Variants in RFC3 observed in about 807,000 individuals in gnomAD.
RFC3 encodes the protein A1 38 kDa subunit.
In RFC3, 41 loss-of-function variants were observed where a neutral mutation model predicts 45.1. That is an observed-to-expected ratio of 0.91 (90% CI 0.71 to 1.18). The LOEUF is 1.18. RFC3 is among the 50% of genes most tolerant of loss of function. The pLI is 0.00. For missense variants in RFC3, 423 were observed against 428.1 expected (o/e 0.99, Z 0.10); for synonymous variants, 149 against 144.0 (o/e 1.03, Z -0.25).
At chr13:33,965,403 T>C (rs538715174) in intron 8 of RFC3, among the ~76,000 whole-genome samples, 1 of 152,316 alleles carries the variant, frequency 6.6e-6, no homozygotes, top group East Asian at 1.9e-4. Flanking sequence ...TAACATACTG[T>C]ACAGGTTTGT....
chr13:33,866,515 A>G (rs79491274), intron 8 of RFC3, among the ~76,000 whole-genome samples: 4,521 of 152,290 alleles, frequency 0.03, 131 homozygotes, highest in African/African-American at 0.069. Context: ...GGTGTTGCAA[A>G]GAGTCCTGAC....
At chr13:33,823,184 A>T (rs1251545670) in intron 2 of RFC3, among the ~76,000 whole-genome samples, 1 of 152,022 alleles carries the variant, frequency 6.6e-6, no homozygotes, top group Admixed American at 6.6e-5. Flanking sequence ...GCCAGTGGAA[A>T]AGTGAATTGT....
At chr13:33,933,656 T>C (rs17080236) in intron 8 of RFC3, among the ~76,000 whole-genome samples, 17,667 of 151,972 alleles carry the variant, frequency 0.12, 1,305 homozygotes, top group Admixed American at 0.21. Context: ...TGATGACCTG[T>C]GAAATTGAAA....
In RFC3 at chr13:33,836,430, A is replaced by G. The variant is rs1464477936; in HGVS notation, c.*135A>G. The G allele has an allele frequency of 4.1e-6, 6 of 1,465,834 alleles. No individual in the cohort carries two copies. The highest frequency in any genetic ancestry group is 2.8e-5 in the African/African-American group (2 of 70,564). The allele number at this position is 1,465,834 out of a possible 1,614,324, so 90.8% of individuals were successfully genotyped here. ...TTTTTTGGTAATAACTTCTCTGTGA[A>G]CTATTAATCATCCTCTGAGTTAAAT... On this transcript the variant is annotated 3_prime_UTR_variant, in exon 9 of 9. Coordinates refer to ENST00000380071, the MANE Select transcript of RFC3 (RefSeq NM_002915.4).
intron 8 of RFC3, among the ~76,000 whole-genome samples, chr13:33,913,323 C>A (rs917443691): frequency 1.3e-5 from 2 of 151,936 alleles, no homozygotes; most frequent in African/African-American, 4.8e-5. Context: ...GAAGGAGGAG[C>A]AGAGAAAAAT....
At chr13:33,916,136 G>A (rs1459548579) in intron 8 of RFC3, among the ~76,000 whole-genome samples, 1 of 152,170 alleles carries the variant, frequency 6.6e-6, no homozygotes, top group Admixed American at 6.5e-5. Flanking sequence ...AGCTTCATTA[G>A]GGTTAGACAT....
chr13:33,887,500 A>C (rs2082533794), intron 8 of RFC3, among the ~76,000 whole-genome samples: 1 of 151,814 alleles, frequency 6.6e-6, no homozygotes, highest in South Asian at 2.1e-4. Context: ...TTTTCTTGTA[A>C]ATTTGTTTGA....
chr13:33,869,197 T>G (rs2082392106), intron 8 of RFC3, among the ~76,000 whole-genome samples: 1 of 152,232 alleles, frequency 6.6e-6, no homozygotes, highest in South Asian at 2.1e-4. Flanking sequence ...TTCTCTGGCC[T>G]TTTTGCTGAT....
At chr13:33,901,398 G>C (rs1265128599) in intron 8 of RFC3, among the ~76,000 whole-genome samples, 1 of 152,018 alleles carries the variant, frequency 6.6e-6, no homozygotes. Flanking sequence ...AACATGGATA[G>C]AACTGGAGGT....
intron 8 of RFC3, among the ~76,000 whole-genome samples, chr13:33,865,014 GAAGA>G (rs541023150): frequency 2.6e-3 from 396 of 152,194 alleles, no homozygotes; most frequent in African/African-American, 9.0e-3. Context: ...GAAGAGAGAA[GAAGA>G]AAGAGAACAA....
chr13:33,922,167 T>TA (rs910702251), intron 8 of RFC3, among the ~76,000 whole-genome samples: 8 of 147,352 alleles, frequency 5.4e-5, no homozygotes, highest in Admixed American at 6.7e-5. Flanking sequence ...TTTTTTTTTT[T>TA]ACTGCTGTAT....
chr13:33,819,264 T>C (rs1238315120), intron 1 of RFC3, among the ~76,000 whole-genome samples: 4 of 152,200 alleles, frequency 2.6e-5, no homozygotes, highest in African/African-American at 4.8e-5. Flanking sequence ...TTGATAAAAG[T>C]GCCCAATGGC....
intron 8 of RFC3, among the ~76,000 whole-genome samples, chr13:33,893,941 A>G (rs2082579669): frequency 6.6e-6 from 1 of 152,156 alleles, no homozygotes; most frequent in Non-Finnish European, 1.5e-5. Flanking sequence ...AAGAGCAAGG[A>G]GTAGAAAGGT....
intron 2 of RFC3, among the ~76,000 whole-genome samples, chr13:33,823,388 A>C (rs952951606): frequency 6.6e-6 from 1 of 152,202 alleles, no homozygotes; most frequent in African/African-American, 2.4e-5. Context: ...CAAAATGTCC[A>C]TCAGTATGAC....
At chr13:33,870,446 A>G (rs529766128) in intron 8 of RFC3, among the ~76,000 whole-genome samples, 4 of 152,352 alleles carry the variant, frequency 2.6e-5, no homozygotes, top group African/African-American at 7.2e-5. Context: ...TTCTAAATAT[A>G]CAACATTTTG....
At chr13:33,881,674 C>T (rs190802994) in intron 8 of RFC3, among the ~76,000 whole-genome samples, 2 of 152,082 alleles carry the variant, frequency 1.3e-5, no homozygotes, top group African/African-American at 4.8e-5. Context: ...CTGTTCACAA[C>T]CTACACCCTC....
intron 8 of RFC3, among the ~76,000 whole-genome samples, chr13:33,889,874 G>A (rs1404345128): frequency 6.6e-6 from 1 of 152,140 alleles, no homozygotes; most frequent in African/African-American, 2.4e-5. Context: ...ATATTACTAA[G>A]CTATAAAGAA....
At chr13:33,886,420 C>T (rs553265961) in intron 8 of RFC3, among the ~76,000 whole-genome samples, 1 of 151,988 alleles carries the variant, frequency 6.6e-6, no homozygotes, top group South Asian at 2.1e-4. Context: ...GTGGTGGGCA[C>T]CTGTAGTCCC....
intron 8 of RFC3, among the ~76,000 whole-genome samples, chr13:33,964,625 G>T (rs1166882909): frequency 6.6e-6 from 1 of 152,124 alleles, no homozygotes; most frequent in Admixed American, 6.5e-5. Flanking sequence ...CTCCAGCATA[G>T]ACAATCTTTT....
Sources: gnomAD v4.1 joint callset for allele counts (sites outside exome capture counted in the v4.1 genomes callset) on GRCh38, gnomAD v4.1.1 for gene constraint, MANE v1.5 for transcripts, NCBI Gene and HGNC (gene_info 2026-07-23, HGNC 2026-07-21) for gene names.